TUT4: variants seen among roughly 807,000 people sequenced by gnomAD.
TUT4 encodes terminal uridylyltransferase 4.
Under a neutral mutation model 192.2 loss-of-function variants are expected in TUT4, and 36 were observed. The observed-to-expected ratio is 0.19, with a 90% CI of 0.14 to 0.25. The LOEUF (loss-of-function observed/expected upper bound fraction) is 0.25, where lower values mean the gene tolerates loss of function less well. Among genes scored for constraint, TUT4 ranks in the 10% least tolerant of loss-of-function variants. The pLI is 1.00. For synonymous variants in TUT4, 618 were observed against 666.0 expected (o/e 0.93, Z 1.11); for missense variants, 1,493 against 1,957.2 (o/e 0.76, Z 4.47).
intron 1 of TUT4, among the ~76,000 whole-genome samples, chr1:52,542,008 T>C (rs544496138): frequency 6.6e-6 from 1 of 152,342 alleles, no homozygotes; most frequent in East Asian, 1.9e-4. Context: ...GAACTACTAC[T>C]CTGCCTTAAA....
intron 4 of TUT4, among the ~76,000 whole-genome samples, chr1:52,504,374 G>A (rs6679448): frequency 0.061 from 9,298 of 152,216 alleles, 307 homozygotes; most frequent in South Asian, 0.086. Context: ...TTTCACACCT[G>A]TAATCCCCGC....
chr1:52,551,580 A>T (rs1689438545), intron 1 of TUT4, among the ~76,000 whole-genome samples: 1 of 152,264 alleles, frequency 6.6e-6, no homozygotes, highest in Non-Finnish European at 1.5e-5. Context: ...GCTTTTTAAG[A>T]GAATCAATAT....
chr1:52,529,057 C>T (rs72666829), intron 1 of TUT4, among the ~76,000 whole-genome samples: 45 of 152,230 alleles, frequency 3.0e-4, no homozygotes, highest in Middle Eastern at 3.4e-3. Context: ...CTCTGCCTTG[C>T]TTTTCCAGAG....
chr1:52,534,689 C>G (rs77179157), intron 1 of TUT4, among the ~76,000 whole-genome samples: 12 of 85,576 alleles, frequency 1.4e-4, no homozygotes, highest in African/African-American at 5.3e-4. Context: ...CCTGTCTCTA[C>G]AAAAAAAAAA....
intron 13 of TUT4, among the ~76,000 whole-genome samples, chr1:52,472,470 TG>T (rs1221554234): frequency 1.3e-5 from 2 of 151,904 alleles, no homozygotes; most frequent in African/African-American, 4.8e-5. Context: ...AATTTTAAGG[TG>T]CACCTTTCAT....
chr1:52,545,966 C>CAAAAAAAAAAAA (rs71041901), intron 1 of TUT4, among the ~76,000 whole-genome samples: 9 of 72,344 alleles, frequency 1.2e-4, no homozygotes, highest in African/African-American at 3.7e-4. Context: ...TACAAAAATA[C>CAAAAAAAAAAAA]AAAAAAAAAA....
rs1216902731 is a variant in TUT4, at chr1:52,459,454, T to C, written c.3322-1005A>G. ...AAATACAAAAAATAGTTGGGCATGG[T>C]GGCACACGCCTGTAGTCCTGGCTAC... is the stretch of plus-strand genomic sequence containing the variant. On this transcript the variant is annotated intron_variant, in intron 19 of 29. Coordinates refer to ENST00000257177, the MANE Select transcript of TUT4 (RefSeq NM_001009881.3). 2.0e-5 allele frequency among the ~76,000 whole-genome samples: 3 copies of C among 152,066 alleles called. No homozygotes were observed. The East Asian group carries it at 5.8e-4, about 29-fold the overall frequency.
chr1:52,474,885 G>C lies in TUT4; in HGVS notation c.2674C>G (p.Pro892Ala). The C allele has an allele frequency of 1.2e-6, 2 of 1,613,498 alleles. No homozygotes were observed. The highest frequency in any genetic ancestry group is 1.7e-6 in the Non-Finnish European group (2 of 1,179,934). Residue 892 changes from proline to alanine, a missense_variant, in exon 13 of 30, where the codon CCC becomes GCC. By Grantham distance (27) the Pro-to-Ala change is conservative. Transcript: ENST00000257177. ...AACACATAATATAATTCCTGGGTGGGGAGGTTATCATCATCATTAAGGTCA... is the reference window on the plus strand; with the variant it reads ...AACACATAATATAATTCCTGGGTGGCGAGGTTATCATCATCATTAAGGTCA... ...ASDLNDDDNLPTQELYYVFDK... is the reference protein window; with the variant it reads ...ASDLNDDDNLATQELYYVFDK...
At chr1:52,424,550 G>C (rs976561844) in intron 29 of TUT4, 1 of 152,484 alleles carries the variant, frequency 6.6e-6, no homozygotes, top group Non-Finnish European at 1.5e-5. Flanking sequence ...TCTGAACTAA[G>C]TTAACAAAGA....
intron 4 of TUT4, among the ~76,000 whole-genome samples, chr1:52,499,033 C>T (rs1020581400): frequency 2.8e-5 from 4 of 141,482 alleles, no homozygotes; most frequent in African/African-American, 5.3e-5. Context: ...ATAGCCAAAA[C>T]GATCCTGACA....
intron 4 of TUT4, among the ~76,000 whole-genome samples, chr1:52,503,689 G>A (rs1674771282): frequency 6.6e-6 from 1 of 152,258 alleles, no homozygotes; most frequent in South Asian, 2.1e-4. Context: ...GAGTAGCTGA[G>A]ACTACAGGCA....
chr1:52,475,637 A>G (rs748097032), intron 12 of TUT4, 102 bp from the exon 13 acceptor site: 4 of 1,140,110 alleles, frequency 3.5e-6, no homozygotes, highest in Non-Finnish European at 4.8e-6. Flanking sequence ...AGGAGAATAC[A>G]TTTTCCCAAG....
chr1:52,449,819 C>T (rs1466506184), intron 20 of TUT4, among the ~76,000 whole-genome samples: 1 of 152,162 alleles, frequency 6.6e-6, no homozygotes, highest in Non-Finnish European at 1.5e-5. Context: ...CACCACTCTA[C>T]TTTCTGTCCC....
In TUT4 at chr1:52,490,849, C is replaced by T. The variant is rs200713661; in HGVS notation, c.1319-48G>A. 72 of 1,404,146 alleles carry T rather than the reference C, an allele frequency of 5.1e-5. No individual in the cohort carries two copies. In the African/African-American group the frequency reaches 9.3e-4, roughly 18 times the overall value. 87.0% of individuals were successfully genotyped at this position (1,404,146 alleles called of 1,614,324 possible). A position where few individuals can be genotyped will look rare whatever the true frequency, so the allele number is the denominator to read the frequency against. ...AGCTAATGTCAACATCTCTAAAATACGTACTCTACAGTAAACATTAAGTAA... is the reference window on the plus strand; with the variant it reads ...AGCTAATGTCAACATCTCTAAAATATGTACTCTACAGTAAACATTAAGTAA... On this transcript the variant is annotated intron_variant, in intron 7 of 29. Coordinates refer to ENST00000257177, the MANE Select transcript of TUT4 (RefSeq NM_001009881.3).
chr1:52,440,389 C>G (rs1655153629), intron 24 of TUT4, among the ~76,000 whole-genome samples: 1 of 150,162 alleles, frequency 6.7e-6, no homozygotes, highest in South Asian at 2.1e-4. Context: ...CCCTGGCCTT[C>G]CAAAGTAATA....
Position 52,538,373 on chromosome 1 carries a change from A to C in TUT4, c.-93-12000T>G, listed in dbSNP as rs541526734. Among the ~76,000 whole-genome samples the C allele has an allele frequency of 7.9e-5, 12 of 152,256 alleles. No individual in the cohort carries two copies. In the South Asian group the frequency reaches 1.9e-3, roughly 24 times the overall value. On this transcript the variant is annotated intron_variant, in intron 1 of 29. Coordinates refer to ENST00000257177, the MANE Select transcript of TUT4 (RefSeq NM_001009881.3). ...GCTCTTGTTTTGGCAACTGAGAAAAAAAAAGGGAGCTGGGTGCGGTGGTTC... is the reference window on the plus strand; with the variant it reads ...GCTCTTGTTTTGGCAACTGAGAAAACAAAAGGGAGCTGGGTGCGGTGGTTC...
chr1:52,502,202 GAATA>G (rs1674324468), intron 4 of TUT4, among the ~76,000 whole-genome samples: 1 of 151,028 alleles, frequency 6.6e-6, no homozygotes, highest in Admixed American at 6.6e-5. Context: ...TCTTAACATG[GAATA>G]TAAAGCATTT....
intron 25 of TUT4, 132 bp from the exon 26 acceptor site, chr1:52,437,110 AAACATTT>A: frequency 7.7e-7 from 1 of 1,294,388 alleles, no homozygotes; most frequent in East Asian, 2.5e-5. Context: ...GCAAGGGAAC[AAACATTT>A]ATGGCACACC....
intron 4 of TUT4, among the ~76,000 whole-genome samples, chr1:52,500,523 G>A (rs1303185552): frequency 1.3e-5 from 2 of 152,108 alleles, no homozygotes; most frequent in African/African-American, 2.4e-5. Flanking sequence ...AGCACTTTGG[G>A]AGGCTGAGGC....
Sources: gnomAD v4.1 joint callset for allele counts (sites outside exome capture counted in the v4.1 genomes callset) on GRCh38, gnomAD v4.1.1 for gene constraint, MANE v1.5 for transcripts, NCBI Gene and HGNC (gene_info 2026-07-23, HGNC 2026-07-21) for gene names.